Variants in CCDC171 observed in about 807,000 individuals in gnomAD.
CCDC171 encodes coiled-coil domain containing 171, also known as coiled-coil domain-containing protein 171.
CCDC171 carries 177 observed loss-of-function variants against 168.2 expected under a neutral mutation model. The observed-to-expected ratio is 1.05, with a 90% confidence interval of 0.93 to 1.19. CCDC171 has a LOEUF of 1.19. Among genes scored for constraint, CCDC171 ranks in the 50% most tolerant of loss-of-function variants. The pLI, the probability that CCDC171 is intolerant of heterozygous loss-of-function variation, is 0.00. For synonymous variants in CCDC171, 687 were observed against 540.8 expected, an observed-to-expected ratio of 1.27 and a Z score of -3.75; for missense variants, 1,991 against 1,539.0, an observed-to-expected ratio of 1.29 and a Z score of -4.91.
At chr9:15,982,616 C>G (rs1213947356) in intron 3 of CCDC171, among the ~76,000 whole-genome samples, 1 of 152,118 alleles carries the variant, frequency 6.6e-6, no homozygotes, top group Non-Finnish European at 1.5e-5. Context: ...CCCTCCTCTC[C>G]TCTGTTCCTG....
chr9:15,878,830 C>T (rs1346804248), intron 24 of CCDC171, among the ~76,000 whole-genome samples: 1 of 152,052 alleles, frequency 6.6e-6, no homozygotes, highest in East Asian at 1.9e-4. Flanking sequence ...TTTGTGGGAA[C>T]ATGGATAAAG....
Position 15,777,646 on chromosome 9 carries a change from G to A in CCDC171, c.2718G>A (p.Lys906=). 1 of 1,613,854 alleles carries A rather than the reference G, an allele frequency of 6.2e-7. No homozygotes were observed. Among genetic ancestry groups the A allele is most frequent in the East Asian group, 2.2e-5 (1 of 44,862 alleles). The change falls in exon 19 of 26, where the codon AAG becomes AAA. Residue 906 remains lysine, a synonymous_variant. Coordinates refer to ENST00000380701, the MANE Select transcript of CCDC171 (RefSeq NM_173550.4). ...ICGHLLIGAA[K]NSFAKLMDKI... The stretch of plus-strand genomic sequence containing the variant: ...GACATTTACTCATAGGTGCAGCCAA[G>A]AATTCTTTTGCAAAACTCATGGATA...
the CCDC171 span, among the ~76,000 whole-genome samples, chr9:16,070,121 G>A: frequency 1.3e-5 from 2 of 152,214 alleles, no homozygotes; most frequent in South Asian, 2.1e-4. Flanking sequence ...AAACTCCAAT[G>A]AGCTGAAGCG....
intron 24 of CCDC171, among the ~76,000 whole-genome samples, chr9:15,912,532 C>A (rs375295882): frequency 1.3e-5 from 2 of 151,958 alleles, no homozygotes; most frequent in Non-Finnish European, 2.9e-5. Flanking sequence ...ATTTGAATAC[C>A]CTTTATTTCT....
chr9:16,039,357 G>C (rs574450214), upstream of CCDC171, among the ~76,000 whole-genome samples: 11 of 152,282 alleles, frequency 7.2e-5, no homozygotes, highest in African/African-American at 2.6e-4. Flanking sequence ...ACTTGGCTAC[G>C]ATTTTTTTCC....
chr9:16,021,182 G>C (rs1357314577), intron 4 of CCDC171, among the ~76,000 whole-genome samples: 1 of 152,166 alleles, frequency 6.6e-6, no homozygotes, highest in Non-Finnish European at 1.5e-5. Context: ...CCGCCTCCGG[G>C]GTTCAGGTGA....
intron 16 of CCDC171, among the ~76,000 whole-genome samples, chr9:15,736,315 G>A (rs536514664): frequency 6.6e-6 from 1 of 151,464 alleles, no homozygotes; most frequent in African/African-American, 2.4e-5. Flanking sequence ...CTGAAAATAG[G>A]TATAGTGATA....
chr9:15,677,920 ATATAT>A (rs201287513), intron 9 of CCDC171, among the ~76,000 whole-genome samples: 1,193 of 36,396 alleles, frequency 0.033, 173 homozygotes, highest in East Asian at 0.15. Flanking sequence ...ATATATATAT[ATATAT>A]AAGAGATGTG....
chr9:15,991,493 G>A (rs1832198521), intron 3 of CCDC171, among the ~76,000 whole-genome samples: 1 of 150,158 alleles, frequency 6.7e-6, no homozygotes, highest in African/African-American at 2.5e-5. Flanking sequence ...ATCTAAAATT[G>A]ACACCCTAAC....
the CCDC171 span, among the ~76,000 whole-genome samples, chr9:16,081,580 G>A: frequency 6.6e-6 from 1 of 152,178 alleles, no homozygotes; most frequent in African/African-American, 2.4e-5. Context: ...ACATGCAGAA[G>A]GGCCAAGCTG....
chr9:16,054,431 G>T (rs574654543), intron 1 of CCDC171, among the ~76,000 whole-genome samples: 1 of 152,124 alleles, frequency 6.6e-6, no homozygotes, highest in African/African-American at 2.4e-5. Context: ...TCAAGGACTC[G>T]TAGGAGGGCA....
At chr9:15,913,862 CTTTCTGTTTGTTAGTT>C (rs1476224347) in intron 24 of CCDC171, among the ~76,000 whole-genome samples, 1 of 152,138 alleles carries the variant, frequency 6.6e-6, no homozygotes, top group African/African-American at 2.4e-5. Flanking sequence ...GATACTGTTG[CTTTCTGTTTGTTAGTT>C]TTCCTTCTAA....
chr9:15,759,879 A>G (rs1490682422), intron 18 of CCDC171, among the ~76,000 whole-genome samples: 1 of 152,086 alleles, frequency 6.6e-6, no homozygotes, highest in East Asian at 1.9e-4. Flanking sequence ...TAACTGATTC[A>G]TAGTAGGATA....
At chr9:15,713,141 C>G (rs1279142708) in intron 11 of CCDC171, among the ~76,000 whole-genome samples, 1 of 152,210 alleles carries the variant, frequency 6.6e-6, no homozygotes. Flanking sequence ...TTGGTCTTCT[C>G]TCATTCTAGG....
intron 6 of CCDC171, among the ~76,000 whole-genome samples, chr9:15,599,081 A>G (rs899733769): frequency 4.6e-5 from 7 of 152,110 alleles, no homozygotes; most frequent in African/African-American, 9.7e-5. Flanking sequence ...CAGCACGCTG[A>G]TGGGCCTTGA....
At chr9:15,789,972 G>A (rs914758548) in intron 21 of CCDC171, among the ~76,000 whole-genome samples, 1 of 152,112 alleles carries the variant, frequency 6.6e-6, no homozygotes, top group Admixed American at 6.6e-5. Context: ...TGGTGTATAT[G>A]TGCCACCTTT....
At chr9:15,916,649 C>T (rs59923163) in intron 24 of CCDC171, among the ~76,000 whole-genome samples, 14,321 of 151,878 alleles carry the variant, frequency 0.094, 1,689 homozygotes, top group African/African-American at 0.27. Context: ...ATGTACATAA[C>T]AAATTATATA....
At chr9:15,994,587 A>T (rs996559039) in intron 3 of CCDC171, among the ~76,000 whole-genome samples, 3 of 151,418 alleles carry the variant, frequency 2.0e-5, no homozygotes, top group African/African-American at 2.5e-5. Flanking sequence ...AGTATATATA[A>T]AAAAAAGTTT....
chr9:15,693,118 C>T (rs926882778), intron 10 of CCDC171, among the ~76,000 whole-genome samples: 3 of 151,968 alleles, frequency 2.0e-5, no homozygotes, highest in Admixed American at 1.3e-4. Flanking sequence ...GCCTGGATGA[C>T]AGAGCGAGAC....
Sources: allele counts gnomAD v4.1 joint callset (sites outside exome capture counted in the v4.1 genomes callset), GRCh38; gene constraint gnomAD v4.1.1; transcripts MANE v1.5; gene names NCBI Gene and HGNC (gene_info 2026-07-23, HGNC 2026-07-21).